ASIC1: variants seen among roughly 807,000 people sequenced by gnomAD.
ASIC1 encodes the protein acid-sensing ion channel 1.
ASIC1 carries 21 observed loss-of-function variants against 63.4 expected under a neutral mutation model. The observed-to-expected ratio is 0.33, with a 90% CI of 0.23 to 0.48. The LOEUF is 0.48. Among genes scored for constraint, ASIC1 ranks in the 20% least tolerant of loss-of-function variants. The probability of loss-of-function intolerance (pLI) is 0.99; values close to 1 mark genes in which losing one functional copy is unlikely to be tolerated. For synonymous variants in ASIC1, 258 were observed against 278.2 expected (o/e 0.93, Z 0.72); for missense variants, 478 against 695.5 (o/e 0.69, Z 3.52).
At chr12:50,076,897 A>T in intron 3 of ASIC1, 1 of 515,338 alleles carries the variant, frequency 1.9e-6, no homozygotes, top group South Asian at 1.5e-5. Flanking sequence ...CTGGGGAAGG[A>T]TTCATACCCC....
At position 50,081,430 on chromosome 12, in the gene ASIC1, AC is replaced by A. The variant is rs1393834799; in HGVS notation, c.1482+71del. On this transcript the variant is annotated intron_variant, in intron 11 of 11. Transcript: ENST00000447966. ...CTCCACCGCCCCAGGAACCCCGTCC[AC>A]CCCCGCCCACCCGCCTCTGCCACCA... 65 of 785,452 alleles carry A rather than the reference AC, an allele frequency of 8.3e-5. 1 individual carries two copies. The East Asian group carries it at 3.8e-3, about 46-fold the overall frequency. The allele number at this position is 785,452 out of a possible 1,614,324, so 48.7% of individuals were successfully genotyped here.
At chr12:50,070,141 G>A (rs1406119389) in intron 3 of ASIC1, among the ~76,000 whole-genome samples, 1 of 152,156 alleles carries the variant, frequency 6.6e-6, no homozygotes. Flanking sequence ...CTGGGTGGGG[G>A]GCGCTGTATG....
chr12:50,075,025 CA>C (rs1421718953), intron 3 of ASIC1, among the ~76,000 whole-genome samples: 1 of 151,946 alleles, frequency 6.6e-6, no homozygotes, highest in African/African-American at 2.4e-5. Flanking sequence ...GCCCCCCACC[CA>C]GGGGTCCAGG....
intron 11 of ASIC1, 87 bp from the exon 12 acceptor site, chr12:50,081,458 C>T: frequency 6.6e-7 from 1 of 1,506,550 alleles, no homozygotes. Context: ...CTGCCACCAC[C>T]TTCTCTCCTT....
At chr12:50,072,592 C>T (rs1950610845) in intron 3 of ASIC1, among the ~76,000 whole-genome samples, 1 of 152,190 alleles carries the variant, frequency 6.6e-6, no homozygotes, top group South Asian at 2.1e-4. Flanking sequence ...GCACTGATCT[C>T]AATTTCTTCC....
chr12:50,080,473 G>A, intron 8 of ASIC1, 25 bp from the exon 9 acceptor site: 1 of 1,609,240 alleles, frequency 6.2e-7, no homozygotes, highest in East Asian at 2.2e-5. Context: ...TTGAACCTAG[G>A]TCTCCTCCCC....
Position 50,074,029 on chromosome 12 carries a change from C to CT in ASIC1, c.559-3183dup. The CT allele has an allele frequency of 6.5e-7, 1 of 1,534,384 alleles. No homozygotes were observed. The highest frequency in any genetic ancestry group is 8.7e-7 in the Non-Finnish European group (1 of 1,145,674). On this transcript the variant is annotated intron_variant, in intron 3 of 11. Transcript: ENST00000447966. The surrounding 1 kb of genome is among the most constrained non-coding windows in gnomAD (Gnocchi z 4.2). ...CACTAATGCTGTGCGGCTGTCCCAGCTCAGCTACCCTGACTTGCTTTATTT... is the reference window on the plus strand; with the variant it reads ...CACTAATGCTGTGCGGCTGTCCCAGCTTCAGCTACCCTGACTTGCTTTATTT...
intron 3 of ASIC1, among the ~76,000 whole-genome samples, chr12:50,065,010 G>A (rs1950533218): frequency 1.3e-5 from 2 of 152,122 alleles, no homozygotes; most frequent in Admixed American, 1.3e-4. Flanking sequence ...AACATGCTGG[G>A]GATGAGCAGA....
chr12:50,074,292 T>C lies in ASIC1; in HGVS notation c.559-2921T>C, dbSNP rs866416465. 71 of 1,412,190 alleles carry C rather than the reference T, an allele frequency of 5.0e-5. No individual in the cohort carries two copies. The African/African-American group carries it at 9.3e-4, about 18-fold the overall frequency. 87.5% of individuals were successfully genotyped at this position (1,412,190 alleles called of 1,614,324 possible). On this transcript the variant is annotated intron_variant, in intron 3 of 11. Coordinates refer to ENST00000447966, the MANE Select transcript of ASIC1 (RefSeq NM_001095.4). The surrounding 1 kb of genome is among the most constrained non-coding windows in gnomAD (Gnocchi z 4.2). ...CACAGTACCCCAAGAGTGTCTGCCA[T>C]GGCTGTCCCTGACTGTCACCTCCTG...
chr12:50,077,400 C>G (rs759202719), intron 4 of ASIC1, 37 bp downstream of exon 4: 2 of 1,612,282 alleles, frequency 1.2e-6, no homozygotes, highest in East Asian at 2.2e-5. Flanking sequence ...CTGCATGGCT[C>G]TAGGCCCCAG....
Position 50,081,090 on chromosome 12 carries a change from C to T in ASIC1, c.1298-12C>T. ...CTGACCCCACTGACCCCCCTGGCGC[C>T]TGCCCCCGCAGGTGACATCGGGGGC... On this transcript the variant is annotated splice_polypyrimidine_tract_variant and intron_variant, in intron 9 of 11. Coordinates refer to ENST00000447966, the MANE Select transcript of ASIC1 (RefSeq NM_001095.4). 1 of 1,582,136 alleles carries T rather than the reference C, an allele frequency of 6.3e-7. No homozygotes were observed. The highest frequency in any genetic ancestry group is 8.6e-7 in the Non-Finnish European group (1 of 1,164,854).
chr12:50,080,997 T>C (rs1950709543), intron 9 of ASIC1, 105 bp from the exon 10 acceptor site: 4 of 1,080,012 alleles, frequency 3.7e-6, no homozygotes, highest in Non-Finnish European at 2.7e-6. Flanking sequence ...GTGCGAAGGC[T>C]ACCAATCCCT....
chr12:50,077,094 A>G, intron 3 of ASIC1, 119 bp from the exon 4 acceptor site: 2 of 1,499,860 alleles, frequency 1.3e-6, no homozygotes, highest in Non-Finnish European at 1.9e-6. Context: ...AATGGGCTGC[A>G]CGGGAGGAAC....
Position 50,078,189 on chromosome 12 carries a change from G to C in ASIC1, c.837+62G>C. Reference sequence around the variant, plus strand: ...TATTGAGGGGTCCAGATGGAGTGGTGGGCAATCAGTAATGGGAAGGACAGG... The same window carrying C: ...TATTGAGGGGTCCAGATGGAGTGGTCGGCAATCAGTAATGGGAAGGACAGG... On this transcript the variant is annotated intron_variant, in intron 5 of 11. Coordinates refer to ENST00000447966, the MANE Select transcript of ASIC1 (RefSeq NM_001095.4). This position sits in a 1 kb window ranked among gnomAD's most constrained non-coding sequence, Gnocchi z 6.0. 5 of 1,572,458 alleles carry C rather than the reference G, an allele frequency of 3.2e-6. No individual in the cohort carries two copies. Among genetic ancestry groups the C allele is most frequent in the Middle Eastern group, 1.7e-4 (1 of 5,830 alleles).
At chr12:50,069,843 G>C (rs1238953298) in intron 3 of ASIC1, among the ~76,000 whole-genome samples, 1 of 152,186 alleles carries the variant, frequency 6.6e-6, no homozygotes, top group Non-Finnish European at 1.5e-5. Flanking sequence ...ATGAGTAAAT[G>C]CAAGAATGAA....
rs530905844 is a variant in ASIC1, at chr12:50,073,868, C to G, written c.559-3345C>G. On this transcript the variant is annotated intron_variant, in intron 3 of 11. Transcript: ENST00000447966. ...CCAAGGCAGGTGCTGTGGGCGGTGG[C>G]CTTTGTCCTGGCACTGGGTGCCTTC... 2.0e-5 allele frequency: 31 copies of G among 1,532,258 alleles called. No homozygotes were observed. The South Asian group carries it at 3.7e-4, about 18-fold the overall frequency. 94.9% of individuals were successfully genotyped at this position (1,532,258 alleles called of 1,614,324 possible). A position where few individuals can be genotyped will look rare whatever the true frequency, so the allele number is the denominator to read the frequency against.
At chr12:50,063,738 A>G (rs1950521767) in intron 3 of ASIC1, among the ~76,000 whole-genome samples, 1 of 152,068 alleles carries the variant, frequency 6.6e-6, no homozygotes, top group South Asian at 2.1e-4. Context: ...CTGCAATGAG[A>G]GGTGGCTGTG....
chr12:50,081,731 C>A lies in ASIC1; in HGVS notation c.*82C>A. On this transcript the variant is annotated 3_prime_UTR_variant, in exon 12 of 12. Transcript: ENST00000447966. ...GCCCCCAGCTGCCTCCTCACATCTGCCCTGGGGACTCCCCACACTCCGGGG... is the reference window on the plus strand; with the variant it reads ...GCCCCCAGCTGCCTCCTCACATCTGACCTGGGGACTCCCCACACTCCGGGG... The A allele has an allele frequency of 7.9e-7, 1 of 1,272,084 alleles. No homozygotes were observed. The highest frequency in any genetic ancestry group is 1.1e-6 in the Non-Finnish European group (1 of 899,620). 78.8% of individuals were successfully genotyped at this position (1,272,084 alleles called of 1,614,324 possible).
intron 3 of ASIC1, among the ~76,000 whole-genome samples, chr12:50,076,026 C>T (rs967661376): frequency 6.6e-6 from 1 of 152,232 alleles, no homozygotes; most frequent in African/African-American, 2.4e-5. Context: ...GCCCTGGGGG[C>T]TCAGTCCCAA....
Sources: allele counts gnomAD v4.1 joint callset (sites outside exome capture counted in the v4.1 genomes callset), GRCh38; gene constraint gnomAD v4.1.1; non-coding constraint Gnocchi (gnomAD v3.1); transcripts MANE v1.5; gene names NCBI Gene and HGNC (gene_info 2026-07-23, HGNC 2026-07-21).